The following CDH10 variants were observed in gnomAD, a reference collection of about 807,000 sequenced individuals.
The protein encoded by CDH10 is cadherin 10, also known as cadherin-10.
In CDH10, 30 loss-of-function variants were observed where a neutral mutation model predicts 73.1. That is an observed-to-expected ratio of 0.41 (90% confidence interval 0.31 to 0.56). The LOEUF (loss-of-function observed/expected upper bound fraction) is 0.56. Ranked by LOEUF, CDH10 falls within the 20% of genes least tolerant of loss-of-function variation. The pLI is 0.27. For synonymous variants in CDH10, 345 were observed against 348.2 expected (o/e 0.99, Z 0.10); for missense variants, 815 against 973.7 (o/e 0.84, Z 2.17).
intron 1 of CDH10, among the ~76,000 whole-genome samples, chr5:24,635,671 A>G (rs1747844869): frequency 6.6e-6 from 1 of 151,990 alleles, no homozygotes; most frequent in Non-Finnish European, 1.5e-5. Flanking sequence ...TGAGAATGCA[A>G]TTTAAGCTTT....
chr5:24,545,165 T>A (rs1053525110), intron 2 of CDH10, among the ~76,000 whole-genome samples: 2 of 152,202 alleles, frequency 1.3e-5, no homozygotes, highest in African/African-American at 4.8e-5. Flanking sequence ...ACTCTTCTTA[T>A]ATTTTTGAAG....
chr5:24,605,004 C>A, intron 1 of CDH10, among the ~76,000 whole-genome samples: 1 of 151,876 alleles, frequency 6.6e-6, no homozygotes. Context: ...GCCAAATCTC[C>A]ATAAATGAAA....
intron 1 of CDH10, among the ~76,000 whole-genome samples, chr5:24,631,158 A>C (rs148940141): frequency 1.3e-5 from 2 of 152,226 alleles, no homozygotes; most frequent in East Asian, 3.9e-4. Context: ...ACAAAGTGTC[A>C]CTGCCTTAAG....
chr5:24,511,395 C>T lies in CDH10; in HGVS notation c.934G>A (p.Asp312Asn), dbSNP rs1742897746. ...AEVEYRIIDG[D>N]GTDMFDIVTE... ...ACGATGTCAAACATATCAGTACCGT[C>T]ACCATCAATAATTCGGTATTCTACT... Residue 312 changes from aspartate (D) to asparagine (N), a missense_variant, in exon 6 of 12, where the codon GAC becomes AAC. Asp to Asn is a conservative substitution (Grantham distance 23). Transcript: ENST00000264463. The T allele has an allele frequency of 1.2e-6, 2 of 1,612,078 alleles. No homozygotes were observed. The highest frequency in any genetic ancestry group is 1.7e-6 in the Non-Finnish European group (2 of 1,178,146).
At chr5:24,574,178 G>T (rs1462313431) in intron 2 of CDH10, among the ~76,000 whole-genome samples, 3 of 151,982 alleles carry the variant, frequency 2.0e-5, no homozygotes, top group South Asian at 4.1e-4. Flanking sequence ...GAGCCACTGC[G>T]CCCGGCCTAT....
intron 1 of CDH10, among the ~76,000 whole-genome samples, chr5:24,639,647 T>C (rs549010665): frequency 6.6e-6 from 1 of 151,922 alleles, no homozygotes; most frequent in Non-Finnish European, 1.5e-5. Context: ...CAACATTTGC[T>C]CATTATATAC....
At chr5:24,490,965 T>C (rs1000174471) in intron 11 of CDH10, among the ~76,000 whole-genome samples, 6 of 152,132 alleles carry the variant, frequency 3.9e-5, no homozygotes, top group Admixed American at 1.3e-4. Flanking sequence ...CCTTACAGAG[T>C]TGGGGTTTGA....
intron 2 of CDH10, among the ~76,000 whole-genome samples, chr5:24,569,692 CT>C (rs1402045941): frequency 2.0e-5 from 3 of 151,354 alleles, no homozygotes; most frequent in African/African-American, 7.3e-5. Flanking sequence ...GATACATACT[CT>C]TTTTTCAAAT....
chr5:24,575,026 C>T (rs1000380026), intron 2 of CDH10, among the ~76,000 whole-genome samples: 1 of 151,956 alleles, frequency 6.6e-6, no homozygotes, highest in Non-Finnish European at 1.5e-5. Context: ...GTCACTCAAA[C>T]GGATCTGAGA....
rs1198164893 is a variant in CDH10 at position 24,487,393 on chromosome 5, G to C, written c.*270C>G. On this transcript the variant is annotated 3_prime_UTR_variant, in exon 12 of 12. Transcript: ENST00000264463. ...CTTAAGGGAGAACTATCCTGTTCAT[G>C]TTTCTGAAATTATCTTTTATTTACT... 5 of 356,364 alleles carry C rather than the reference G, an allele frequency of 1.4e-5. No individual in the cohort carries two copies. The East Asian group carries it at 2.7e-4, about 19-fold the overall frequency. The allele number at this position is 356,364 out of a possible 1,614,324, so 22.1% of individuals were successfully genotyped here.
chr5:24,567,129 A>T (rs758936822), intron 2 of CDH10, among the ~76,000 whole-genome samples: 2 of 151,698 alleles, frequency 1.3e-5, no homozygotes, highest in African/African-American at 2.4e-5. Context: ...AGAAAAATGC[A>T]AATAAAAAAC....
intron 2 of CDH10, among the ~76,000 whole-genome samples, chr5:24,568,936 C>G (rs988779968): frequency 1.3e-5 from 2 of 151,738 alleles, no homozygotes; most frequent in African/African-American, 2.4e-5. Context: ...ATAATGAAAC[C>G]CTGTCTCAAC....
At chr5:24,520,596 G>A (rs1002115364) in intron 5 of CDH10, among the ~76,000 whole-genome samples, 2 of 152,162 alleles carry the variant, frequency 1.3e-5, no homozygotes, top group Non-Finnish European at 2.9e-5. Flanking sequence ...GATGATATAT[G>A]CACATGTAAA....
Position 24,535,761 on chromosome 5 carries a change from G to A in CDH10, c.588C>T (p.Ala196=). 6.2e-7 allele frequency: 1 copy of A among 1,610,594 alleles called. No homozygotes were observed. The highest frequency in any genetic ancestry group is 8.5e-7 in the Non-Finnish European group (1 of 1,177,528). Residue 196 remains alanine (A), a synonymous_variant, in exon 4 of 12, where the codon GCC becomes GCT. Transcript: ENST00000264463. ...CTTGAAGTATGCTGTAAATGACTCT[G>A]GCGCTGTTCCCATATGAAGGGTCAT... ...DADDPSYGNS[A]RVIYSILQGQ...
At position 24,491,630 on chromosome 5, in the gene CDH10, C is replaced by T. The variant is rs936122146; in HGVS notation, c.1822G>A (p.Gly608Ser). The T allele has an allele frequency of 2.5e-6, 4 of 1,613,720 alleles. No homozygotes were observed. The highest frequency in any genetic ancestry group is 2.2e-5 in the East Asian group (1 of 44,818). ...CSAEALLLPA[G>S]LSTGALIAIL... ...GCGATCAAGGCCCCAGTGCTGAGGC[C>T]GGCAGGGAGGAGCAGGGCTTCAGCA... The change falls in exon 11 of 12, where the codon GGC becomes AGC. Residue 608 changes from glycine (G) to serine (S), a missense_variant. Gly to Ser is a moderately conservative substitution (Grantham distance 56). Coordinates refer to ENST00000264463, the MANE Select transcript of CDH10 (RefSeq NM_006727.5).
chr5:24,603,699 A>G (rs1417125149), intron 1 of CDH10, among the ~76,000 whole-genome samples: 1 of 151,756 alleles, frequency 6.6e-6, no homozygotes, highest in Non-Finnish European at 1.5e-5. Context: ...ATAAAATCCT[A>G]CAACTAGCAT....
chr5:24,635,455 T>C (rs1261855369), intron 1 of CDH10, among the ~76,000 whole-genome samples: 1 of 151,996 alleles, frequency 6.6e-6, no homozygotes, highest in African/African-American at 2.4e-5. Flanking sequence ...CTCGAGTCTT[T>C]CCTATCGTTT....
intron 5 of CDH10, among the ~76,000 whole-genome samples, chr5:24,528,104 A>G (rs1343713748): frequency 2.0e-5 from 3 of 152,016 alleles, no homozygotes; most frequent in African/African-American, 7.2e-5. Context: ...GGCATTGGGA[A>G]CATGAGGGAA....
chr5:24,553,321 A>G (rs1297048427), intron 2 of CDH10, among the ~76,000 whole-genome samples: 1 of 152,072 alleles, frequency 6.6e-6, no homozygotes, highest in Non-Finnish European at 1.5e-5. Flanking sequence ...GAAATGCTCA[A>G]CAGGCCCTTT....
Sources: allele counts gnomAD v4.1 joint callset (sites outside exome capture counted in the v4.1 genomes callset), GRCh38; gene constraint gnomAD v4.1.1; transcripts MANE v1.5; gene names NCBI Gene and HGNC (gene_info 2026-07-23, HGNC 2026-07-21).